Variants in UBE2J1 observed in about 807,000 individuals in gnomAD.
UBE2J1 encodes ubiquitin-conjugating enzyme E2 J1.
Under a neutral mutation model 42.1 loss-of-function variants are expected in UBE2J1, and 17 were observed. The ratio of observed to expected loss-of-function variants is 0.40; its 90% confidence interval spans 0.28 to 0.61. UBE2J1 has a LOEUF of 0.61. Among genes scored for constraint, UBE2J1 ranks in the 20% least tolerant of loss-of-function variants. The pLI, the probability that UBE2J1 is intolerant of heterozygous loss-of-function variation, is 0.38. For synonymous variants in UBE2J1, 127 were observed against 137.2 expected (o/e 0.93, Z 0.52); for missense variants, 291 against 389.4 (o/e 0.75, Z 2.13).
At chr6:89,341,876 T>A (rs531487023) in intron 3 of UBE2J1, among the ~76,000 whole-genome samples, 1 of 152,342 alleles carries the variant, frequency 6.6e-6, no homozygotes, top group East Asian at 1.9e-4. Flanking sequence ...TACAATAAGA[T>A]CTTGATACTT....
intron 1 of UBE2J1, among the ~76,000 whole-genome samples, chr6:89,348,827 A>G (rs1191430062): frequency 6.6e-6 from 1 of 152,242 alleles, no homozygotes; most frequent in Non-Finnish European, 1.5e-5. Flanking sequence ...GAAGAACTAT[A>G]GGAATTTCAG....
At chr6:89,345,539 T>C (rs1285951975) in intron 1 of UBE2J1, among the ~76,000 whole-genome samples, 30 of 138,262 alleles carry the variant, frequency 2.2e-4, no homozygotes, top group East Asian at 1.3e-3. Flanking sequence ...GAGGTGGAGG[T>C]TGCAGTGAGC....
In UBE2J1 at chr6:89,333,133, G is replaced by T. The variant is rs1282104574; in HGVS notation, c.631C>A (p.Gln211Lys). 1.9e-6 allele frequency: 3 copies of T among 1,613,218 alleles called. No homozygotes were observed. The highest frequency in any genetic ancestry group is 3.3e-5 in the Admixed American group (2 of 59,972). ...TGGAATGTTGTAGGTATATCATCTTGTAAATCAGTTAGTGAAAAAGAGTGG... is the reference window on the plus strand; with the variant it reads ...TGGAATGTTGTAGGTATATCATCTTTTAAATCAGTTAGTGAAAAAGAGTGG... ...LNHSFSLTDLQDDIPTTFQGA... is the reference protein window; with the variant it reads ...LNHSFSLTDLKDDIPTTFQGA... The change falls in exon 7 of 8, where the codon CAA becomes AAA. Residue 211 changes from glutamine (Q) to lysine (K), a missense_variant. Gln to Lys is a moderately conservative substitution (Grantham distance 53). Transcript: ENST00000435041.
chr6:89,343,082 CA>C (rs1768279158), intron 2 of UBE2J1, among the ~76,000 whole-genome samples: 1 of 152,172 alleles, frequency 6.6e-6, no homozygotes, highest in African/African-American at 2.4e-5. Context: ...GGAGACCCAT[CA>C]AAAGGCTTCC....
chr6:89,331,951 C>T (rs1301013217), intron 7 of UBE2J1, among the ~76,000 whole-genome samples: 2 of 152,106 alleles, frequency 1.3e-5, no homozygotes, highest in African/African-American at 4.8e-5. Flanking sequence ...ATTGGGATCA[C>T]ACAAAAATGA....
At chr6:89,352,040 T>C (rs1768492782) in intron 1 of UBE2J1, among the ~76,000 whole-genome samples, 1 of 152,210 alleles carries the variant, frequency 6.6e-6, no homozygotes, top group South Asian at 2.1e-4. Context: ...ACTGGTTTAG[T>C]TACAGAACAT....
chr6:89,332,983 G>T, intron 7 of UBE2J1, 103 bp downstream of exon 7: 1 of 1,154,006 alleles, frequency 8.7e-7, no homozygotes, highest in Non-Finnish European at 1.2e-6. Flanking sequence ...CAGTTGTTAA[G>T]AGAACCAAAT....
In UBE2J1 at chr6:89,329,639, T is replaced by G. The variant is rs371129084; in HGVS notation, c.*40A>C. ...ATTATACCCAATGCAGAATGTTTAATGAAGCAGTTGAGTCACAGCTCATAA... is the reference window on the plus strand; with the variant it reads ...ATTATACCCAATGCAGAATGTTTAAGGAAGCAGTTGAGTCACAGCTCATAA... On this transcript the variant is annotated 3_prime_UTR_variant, in exon 8 of 8. Coordinates refer to ENST00000435041, the MANE Select transcript of UBE2J1 (RefSeq NM_016021.3). 6.2e-7 allele frequency: 1 copy of G among 1,603,764 alleles called. No individual in the cohort carries two copies. Among genetic ancestry groups the G allele is most frequent in the Non-Finnish European group, 8.5e-7 (1 of 1,172,404 alleles).
chr6:89,347,169 C>G (rs1768380267), intron 1 of UBE2J1, among the ~76,000 whole-genome samples: 1 of 152,230 alleles, frequency 6.6e-6, no homozygotes, highest in Admixed American at 6.5e-5. Flanking sequence ...TGCGGACTAT[C>G]TACTCCCTGT....
intron 7 of UBE2J1, among the ~76,000 whole-genome samples, chr6:89,332,072 T>C (rs944570878): frequency 6.6e-6 from 1 of 152,176 alleles, no homozygotes; most frequent in Non-Finnish European, 1.5e-5. Context: ...ACTCTCTGAA[T>C]AGGAGAGACT....
At chr6:89,352,215 T>C (rs893641985) in intron 1 of UBE2J1, among the ~76,000 whole-genome samples, 2 of 152,022 alleles carry the variant, frequency 1.3e-5, no homozygotes, top group Non-Finnish European at 2.9e-5. Context: ...AGGGGGTTGA[T>C]GACTATCGCC....
intron 3 of UBE2J1, among the ~76,000 whole-genome samples, chr6:89,340,746 T>G (rs201836987): frequency 8.0e-5 from 3 of 37,402 alleles, no homozygotes; most frequent in African/African-American, 2.5e-4. Flanking sequence ...AATTTGGTAT[T>G]TATTTATTTA....
At chr6:89,352,450 G>A in intron 1 of UBE2J1, 89 bp downstream of exon 1, 1 of 1,404,622 alleles carries the variant, frequency 7.1e-7, no homozygotes, top group Non-Finnish European at 9.6e-7. Flanking sequence ...GCCGCGAGTG[G>A]CGCCAGACGC....
At chr6:89,344,290 A>G (rs999693682) in intron 1 of UBE2J1, among the ~76,000 whole-genome samples, 3 of 152,008 alleles carry the variant, frequency 2.0e-5, no homozygotes, top group African/African-American at 7.3e-5. Context: ...ATATCCTCCA[A>G]CTCTTGGGAC....
At chr6:89,333,504 T>G (rs1183691428) in intron 6 of UBE2J1, among the ~76,000 whole-genome samples, 1 of 152,178 alleles carries the variant, frequency 6.6e-6, no homozygotes, top group African/African-American at 2.4e-5. Context: ...TTTTTGGTAA[T>G]TTTTAGGCAA....
intron 5 of UBE2J1, among the ~76,000 whole-genome samples, chr6:89,336,809 G>A (rs1237660031): frequency 1.3e-5 from 2 of 151,632 alleles, no homozygotes; most frequent in Non-Finnish European, 2.9e-5. Flanking sequence ...TATCCACAAT[G>A]GTAGCATGCT....
rs1254493584 is a variant in UBE2J1, at chr6:89,329,473, C to CT, written c.*205dup. ...GCAGATCAAATAGTGAGACAAGGAA[C>CT]TTTGACTTCTAGTCCCTTTAAGCAG... On this transcript the variant is annotated 3_prime_UTR_variant, in exon 8 of 8. Transcript: ENST00000435041. 7 of 563,182 alleles carry CT rather than the reference C, an allele frequency of 1.2e-5. No individual in the cohort carries two copies. The highest frequency in any genetic ancestry group is 1.1e-4 in the Admixed American group (3 of 27,846). The allele number at this position is 563,182 out of a possible 1,614,324, so 34.9% of individuals were successfully genotyped here. A position where few individuals can be genotyped will look rare whatever the true frequency, so the allele number is the denominator to read the frequency against.
chr6:89,332,977 T>A, intron 7 of UBE2J1, 109 bp downstream of exon 7: 2 of 971,646 alleles, frequency 2.1e-6, no homozygotes, highest in Non-Finnish European at 2.9e-6. Context: ...AGAATCCAGT[T>A]GTTAAGAGAA....
chr6:89,348,840 G>A (rs768263029), intron 1 of UBE2J1, among the ~76,000 whole-genome samples: 1 of 152,190 alleles, frequency 6.6e-6, no homozygotes, highest in Non-Finnish European at 1.5e-5. Flanking sequence ...AATTTCAGAT[G>A]GATTTAAAGG....
Sources: allele counts gnomAD v4.1 joint callset (sites outside exome capture counted in the v4.1 genomes callset), GRCh38; gene constraint gnomAD v4.1.1; transcripts MANE v1.5; gene names NCBI Gene and HGNC (gene_info 2026-07-23, HGNC 2026-07-21).